The following ADGRL1 variants were observed in gnomAD, a reference collection of about 807,000 sequenced individuals.
ADGRL1 encodes adhesion G protein-coupled receptor L1, also known as CIRL-1.
In ADGRL1, 31 loss-of-function variants were observed where a neutral mutation model predicts 148.9. The observed-to-expected ratio is 0.21, with a 90% CI of 0.16 to 0.28. The LOEUF (loss-of-function observed/expected upper bound fraction) is 0.28, where lower values mean the gene tolerates loss of function less well. Among genes scored for constraint, ADGRL1 ranks in the 10% least tolerant of loss-of-function variants. The pLI is 1.00. For missense variants in ADGRL1, 1,521 were observed against 2,058.8 expected, an observed-to-expected ratio of 0.74 and a Z score of 5.05; for synonymous variants, 937 against 900.3, an observed-to-expected ratio of 1.04 and a Z score of -0.73.
At position 14,160,995 on chromosome 19, in the gene ADGRL1, C is replaced by G. The variant is rs1246816230; in HGVS notation, c.1511-299G>C. On this transcript the variant is annotated intron_variant, in intron 6 of 22. Coordinates refer to ENST00000361434, the MANE Select transcript of ADGRL1 (RefSeq NM_014921.5). This position sits in a 1 kb window ranked among gnomAD's most constrained non-coding sequence, Gnocchi z 5.9. ...GCACCTGCCAACCCTCCCCTCAGAT[C>G]TCCAGGACACACGGCCCTGCCCTTT... Among the ~76,000 whole-genome samples the G allele has an allele frequency of 6.6e-6, 1 of 152,224 alleles. No homozygotes were observed. Among genetic ancestry groups the G allele is most frequent in the Non-Finnish European group, 1.5e-5 (1 of 68,040 alleles).
At chr19:14,198,300 C>A (rs1379789520) in intron 1 of ADGRL1, among the ~76,000 whole-genome samples, 1 of 152,064 alleles carries the variant, frequency 6.6e-6, no homozygotes, top group Non-Finnish European at 1.5e-5. Context: ...TCACAGGTGT[C>A]CTCTGGCCGC....
chr19:14,184,634 A>ATTTTTTTTTT (rs1166987303), intron 1 of ADGRL1, among the ~76,000 whole-genome samples: 1 of 119,050 alleles, frequency 8.4e-6, no homozygotes, highest in African/African-American at 4.1e-5. Flanking sequence ...TTATTTATTT[A>ATTTTTTTTTT]TTTATTTATT....
Position 14,150,970 on chromosome 19 carries a change from A to C in ADGRL1, c.4313T>G (p.Val1438Gly). 6.3e-7 allele frequency: 1 copy of C among 1,596,432 alleles called. No homozygotes were observed. Among genetic ancestry groups the C allele is most frequent in the Non-Finnish European group, 8.5e-7 (1 of 1,174,198 alleles). Residue 1438 changes from valine to glycine, a missense_variant, in exon 23 of 23, where the codon GTG (valine) becomes GGG (glycine). Physicochemically the swap from Val to Gly is moderately radical, Grantham distance 109. Transcript: ENST00000361434. ...GTAGCCCTCGTGGCTAGGACGCCGCACCTGGTAGTAGCCCTGCAGGGGATT... is the reference window on the plus strand; with the variant it reads ...GTAGCCCTCGTGGCTAGGACGCCGCCCCTGGTAGTAGCCCTGCAGGGGATT... Reference protein sequence around the residue: ...ARNPLQGYYQVRRPSHEGYLA... With the variant: ...ARNPLQGYYQGRRPSHEGYLA...
At chr19:14,205,222 C>T (rs1463028454) in intron 1 of ADGRL1, among the ~76,000 whole-genome samples, 1 of 152,078 alleles carries the variant, frequency 6.6e-6, no homozygotes, top group Non-Finnish European at 1.5e-5. Flanking sequence ...CAACCAAACC[C>T]TCGCAGCTCA....
Position 14,157,993 on chromosome 19 carries a change from C to T in ADGRL1, c.2424G>A (p.Leu808=). ...SFWNYSERSM[L]GYWSTQGCRL... is the part of the protein sequence containing the mutation. ...GGCAGCCTTGGGTCGACCAGTAGCC[C>T]AGCATGGAACGCTCCGAGTAGTTCC... Residue 808 remains leucine, a synonymous_variant, in exon 13 of 23, where the codon CTG becomes CTA. Transcript: ENST00000361434. This position sits in a 1 kb window ranked among gnomAD's most constrained non-coding sequence, Gnocchi z 7.5. 1 of 1,614,200 alleles carries T rather than the reference C, an allele frequency of 6.2e-7. No homozygotes were observed. Among genetic ancestry groups the T allele is most frequent in the Middle Eastern group, 1.7e-4 (1 of 6,060 alleles).
Position 14,155,458 on chromosome 19 carries a change from G to T in ADGRL1, c.3195C>A (p.Phe1065Leu). Residue 1065 changes from phenylalanine to leucine, a missense_variant, in exon 18 of 23, where the codon TTC becomes TTA. Physicochemically the swap from Phe to Leu is conservative, Grantham distance 22 (BLOSUM62 0). This residue lies in a region of ADGRL1 where 185 missense variants were observed against 251.7 expected (regional missense o/e 0.74). Transcript: ENST00000361434. This position sits in a 1 kb window ranked among gnomAD's most constrained non-coding sequence, Gnocchi z 5.0. The part of the protein sequence containing the change: ...LGLTWAFGLL[F>L]INKESVVMAY... ...CCATGACCACCGACTCCTTGTTGATGAAGAGGAGGCCGAAAGCCCAGGTGA... is the reference window on the plus strand; with the variant it reads ...CCATGACCACCGACTCCTTGTTGATTAAGAGGAGGCCGAAAGCCCAGGTGA... 6.2e-7 allele frequency: 1 copy of T among 1,614,160 alleles called. No homozygotes were observed. The highest frequency in any genetic ancestry group is 8.5e-7 in the Non-Finnish European group (1 of 1,180,008).
In ADGRL1 at chr19:14,152,569, C is replaced by T. The variant is rs142093813; in HGVS notation, c.3468G>A (p.Thr1156=). Residue 1156 remains threonine (T), a synonymous_variant, in exon 20 of 23, where the codon ACG becomes ACA. Coordinates refer to ENST00000361434, the MANE Select transcript of ADGRL1 (RefSeq NM_014921.5). This position sits in a 1 kb window ranked among gnomAD's most constrained non-coding sequence, Gnocchi z 6.1. ...TGTCACCCGCCATGAAGGAGGACTCCGTCTGTTTCCTCACAGTGTCATTCC... is the reference window on the plus strand; with the variant it reads ...TGTCACCCGCCATGAAGGAGGACTCTGTCTGTTTCCTCACAGTGTCATTCC... ...RMWNDTVRKQ[T]ESSFMAGDIN... is the part of the protein sequence containing the mutation. 2.8e-5 allele frequency: 45 copies of T among 1,613,956 alleles called. No individual in the cohort carries two copies. The highest frequency in any genetic ancestry group is 1.1e-4 in the East Asian group (5 of 44,888).
chr19:14,195,913 G>A (rs1420090164), intron 1 of ADGRL1, among the ~76,000 whole-genome samples: 2 of 152,232 alleles, frequency 1.3e-5, no homozygotes, highest in East Asian at 3.9e-4. Context: ...CAGCTCAGTG[G>A]ATGGCAGCCC....
rs992801708 is a variant in ADGRL1 at position 14,157,968 on chromosome 19, G to A, written c.2449C>T (p.Arg817Cys). The A allele has an allele frequency of 3.1e-6, 5 of 1,614,080 alleles. No homozygotes were observed. Among genetic ancestry groups the A allele is most frequent in the Admixed American group, 3.3e-5 (2 of 60,002 alleles). ...TGGGTCTTGTTGGACTCCACCAGGCGGCAGCCTTGGGTCGACCAGTAGCCC... is the reference window on the plus strand; with the variant it reads ...TGGGTCTTGTTGGACTCCACCAGGCAGCAGCCTTGGGTCGACCAGTAGCCC... The part of the protein sequence containing the change: ...MLGYWSTQGC[R>C]LVESNKTHTT... Residue 817 changes from arginine (R) to cysteine (C), a missense_variant, in exon 13 of 23, where the codon CGC becomes TGC. This residue lies in a region of ADGRL1 where 265 missense variants were observed against 431.9 expected (regional missense o/e 0.61). Coordinates refer to ENST00000361434, the MANE Select transcript of ADGRL1 (RefSeq NM_014921.5). The surrounding 1 kb of genome is among the most constrained non-coding windows in gnomAD (Gnocchi z 7.5).
intron 2 of ADGRL1, 144 bp downstream of exon 2, chr19:14,183,389 A>T: frequency 1.4e-6 from 1 of 721,486 alleles, no homozygotes; most frequent in Non-Finnish European, 2.3e-6. Flanking sequence ...TGAGTCTTCC[A>T]CTGGCCTGCT....
intron 1 of ADGRL1, among the ~76,000 whole-genome samples, chr19:14,187,265 A>G (rs1276528405): frequency 6.6e-6 from 1 of 152,160 alleles, no homozygotes; most frequent in African/African-American, 2.4e-5. Context: ...GTTGAACCTG[A>G]GAGGTAGAGG....
Position 14,151,605 on chromosome 19 carries a change from CA to C in ADGRL1, c.3677del (p.Leu1226TrpfsTer14). 6.3e-7 allele frequency: 1 copy of C among 1,599,814 alleles called. No individual in the cohort carries two copies. The highest frequency in any genetic ancestry group is 1.1e-5 in the South Asian group (1 of 90,188). On this transcript the variant is annotated frameshift_variant, in exon 23 of 23. Coordinates refer to ENST00000361434, the MANE Select transcript of ADGRL1 (RefSeq NM_014921.5). LOFTEE classifies it high-confidence loss of function. The part of the protein sequence containing the change: ...PGSYREPKHP[L>X]GGREACGMDT... ...CCATGCCACAGGCTTCCCGGCCTCC[CA>C]AGGGGTGCTCTGCAGGGCAGAAAGG...
rs138641423 is a variant in ADGRL1, at chr19:14,156,933, G to A, written c.2958C>T (p.Thr986=). 1.5e-5 allele frequency: 24 copies of A among 1,610,186 alleles called. No individual in the cohort carries two copies. The highest frequency in any genetic ancestry group is 1.8e-4 in the Middle Eastern group (1 of 5,644). The stretch of plus-strand genomic sequence containing the variant: ...GGGAGGTGGAAACTCACGCCTTCTC[G>A]GTGCCGTAGCTGCGGTAGTCAATGG... ...AAAIDYRSYG[T]EKACWLRVDN... The change falls in exon 15 of 23, where the codon ACC becomes ACT. Residue 986 remains threonine (T), a synonymous_variant. Transcript: ENST00000361434.
chr19:14,169,157 G>C (rs1443944659), intron 4 of ADGRL1: 1 of 152,290 alleles, frequency 6.6e-6, no homozygotes, highest in Non-Finnish European at 1.5e-5. Context: ...TCTGGGCGCT[G>C]GGGCGGCGGG....
At position 14,152,463 on chromosome 19, in the gene ADGRL1, G is replaced by A; in HGVS notation, c.3521-26C>T. On this transcript the variant is annotated intron_variant, in intron 20 of 22. Coordinates refer to ENST00000361434, the MANE Select transcript of ADGRL1 (RefSeq NM_014921.5). This position sits in a 1 kb window ranked among gnomAD's most constrained non-coding sequence, Gnocchi z 6.1. ...CTGGCCAAAGGATCAGAGGTCACAA[G>A]GCAGCCGGGAGCCTCCAGAGACTGA... is the stretch of plus-strand genomic sequence containing the variant. 1 of 1,608,292 alleles carries A rather than the reference G, an allele frequency of 6.2e-7. No homozygotes were observed. Among genetic ancestry groups the A allele is most frequent in the Non-Finnish European group, 8.5e-7 (1 of 1,175,494 alleles).
intron 2 of ADGRL1, among the ~76,000 whole-genome samples, chr19:14,180,813 CAA>C (rs1971139566): frequency 6.6e-6 from 1 of 152,188 alleles, no homozygotes; most frequent in Non-Finnish European, 1.5e-5. Flanking sequence ...CTTGGCTTCC[CAA>C]AGTGTTGGGA....
Position 14,160,491 on chromosome 19 carries a change from A to G in ADGRL1, c.1614+102T>C. 1 of 995,942 alleles carries G rather than the reference A, an allele frequency of 1.0e-6. No individual in the cohort carries two copies. Among genetic ancestry groups the G allele is most frequent in the Non-Finnish European group, 1.5e-6 (1 of 682,344 alleles). The allele number at this position is 995,942 out of a possible 1,614,324, so 61.7% of individuals were successfully genotyped here. A position where few individuals can be genotyped will look rare whatever the true frequency, so the allele number is the denominator to read the frequency against. ...GTGACCCCACAGTCCTGCCTTCCAG[A>G]CCTGCCAGCCCATGTCTCCCCAGCT... On this transcript the variant is annotated intron_variant, in intron 7 of 22. Coordinates refer to ENST00000361434, the MANE Select transcript of ADGRL1 (RefSeq NM_014921.5). The surrounding 1 kb of genome is among the most constrained non-coding windows in gnomAD (Gnocchi z 5.9).
intron 1 of ADGRL1, among the ~76,000 whole-genome samples, chr19:14,203,926 CGG>C (rs1972785529): frequency 6.6e-6 from 1 of 151,992 alleles, no homozygotes; most frequent in South Asian, 2.1e-4. Flanking sequence ...GTGGACCGAG[CGG>C]GGCCATGAGG....
In ADGRL1 at chr19:14,160,180, T is replaced by C. The variant is rs1396885156; in HGVS notation, c.1732A>G (p.Ile578Val). The change falls in exon 8 of 23, where the codon ATC (isoleucine) becomes GTC (valine). Residue 578 changes from isoleucine (I) to valine (V), a missense_variant. Ile to Val is a conservative substitution (Grantham distance 29). This residue lies in a region of ADGRL1 where 265 missense variants were observed against 431.9 expected (regional missense o/e 0.61). Transcript: ENST00000361434. This position sits in a 1 kb window ranked among gnomAD's most constrained non-coding sequence, Gnocchi z 5.9. ...AGGGCCTGCAGCTGGGCATCCAGGA[T>C]GTCCAGCAGCTGCTCCATCAGCTTC... is the stretch of plus-strand genomic sequence containing the variant. ...SVKLMEQLLD[I>V]LDAQLQALRP... is the part of the protein sequence containing the mutation. The C allele has an allele frequency of 6.3e-7, 1 of 1,597,780 alleles. No individual in the cohort carries two copies. Among genetic ancestry groups the C allele is most frequent in the African/African-American group, 1.3e-5 (1 of 74,774 alleles).
Sources: gnomAD v4.1 joint callset for allele counts (sites outside exome capture counted in the v4.1 genomes callset) on GRCh38, gnomAD v4.1.1 for gene constraint, gnomAD v4.1.1 regional missense constraint, Gnocchi (gnomAD v3.1) non-coding constraint, MANE v1.5 for transcripts, NCBI Gene and HGNC (gene_info 2026-07-23, HGNC 2026-07-21) for gene names.